The following TRAPPC9 variants were observed in gnomAD, a reference collection of about 807,000 sequenced individuals.
TRAPPC9 encodes IKK2 binding protein.
Under a neutral mutation model 124.0 loss-of-function variants are expected in TRAPPC9, and 83 were observed. That is an observed-to-expected ratio of 0.67 (90% CI 0.56 to 0.80). The LOEUF is 0.80. TRAPPC9 is among the 30% of genes least tolerant of loss of function. TRAPPC9 has a pLI of 0.00. For missense variants in TRAPPC9, 1,302 were observed against 1,508.3 expected (o/e 0.86, Z 2.27); for synonymous variants, 638 against 617.5 (o/e 1.03, Z -0.49).
intron 9 of TRAPPC9, among the ~76,000 whole-genome samples, chr8:140,317,021 T>C (rs540677469): frequency 2.0e-5 from 3 of 152,328 alleles, no homozygotes; most frequent in East Asian, 1.9e-4. Context: ...TTGTTTGTAA[T>C]AGTCTCTTGT....
intron 15 of TRAPPC9, among the ~76,000 whole-genome samples, chr8:140,260,048 A>G (rs914825916): frequency 1.2e-4 from 18 of 152,258 alleles, no homozygotes; most frequent in African/African-American, 4.1e-4. Context: ...GATCATGGGT[A>G]GTTTCAAATT....
chr8:140,070,862 C>G (rs182863909), intron 17 of TRAPPC9, among the ~76,000 whole-genome samples: 5 of 152,252 alleles, frequency 3.3e-5, no homozygotes, highest in Middle Eastern at 3.4e-3. Flanking sequence ...TGGGTGCCAG[C>G]CCCTCCACGT....
intron 18 of TRAPPC9, among the ~76,000 whole-genome samples, chr8:140,009,298 GA>G (rs1838968295): frequency 6.6e-6 from 1 of 152,172 alleles, no homozygotes; most frequent in East Asian, 1.9e-4. Context: ...ATATTGTCAA[GA>G]CATCACAGGA....
chr8:140,266,584 T>C (rs1287495614), intron 15 of TRAPPC9, among the ~76,000 whole-genome samples: 1 of 151,124 alleles, frequency 6.6e-6, no homozygotes, highest in East Asian at 2.0e-4. Flanking sequence ...TGTGGCCGGG[T>C]GCAGTGGCTC....
intron 10 of TRAPPC9, among the ~76,000 whole-genome samples, chr8:140,310,496 T>C (rs1238385617): frequency 6.6e-6 from 1 of 152,208 alleles, no homozygotes; most frequent in Non-Finnish European, 1.5e-5. Context: ...GATCAGTTCA[T>C]AAACCTTTTG....
chr8:140,064,586 A>C (rs1219503989), intron 17 of TRAPPC9, among the ~76,000 whole-genome samples: 1 of 152,176 alleles, frequency 6.6e-6, no homozygotes, highest in Non-Finnish European at 1.5e-5. Context: ...AGAGGTAACA[A>C]AGCAAAGAGA....
At chr8:139,972,372 T>G (rs1233786056) in intron 19 of TRAPPC9, among the ~76,000 whole-genome samples, 1 of 152,128 alleles carries the variant, frequency 6.6e-6, no homozygotes, top group Non-Finnish European at 1.5e-5. Flanking sequence ...TTTACCAAAG[T>G]TTTCTCACAG....
chr8:139,875,295 C>T (rs969912576), intron 21 of TRAPPC9, among the ~76,000 whole-genome samples: 2 of 152,052 alleles, frequency 1.3e-5, no homozygotes, highest in African/African-American at 4.8e-5. Flanking sequence ...TTTCTCCCGT[C>T]CACATGAGGG....
intron 21 of TRAPPC9, among the ~76,000 whole-genome samples, chr8:139,882,778 C>G (rs1829758504): frequency 6.6e-6 from 1 of 152,180 alleles, no homozygotes; most frequent in South Asian, 2.1e-4. Flanking sequence ...ACTTATCCAG[C>G]AGGCATCATC....
chr8:140,286,155 G>C (rs1320213864), intron 13 of TRAPPC9, among the ~76,000 whole-genome samples: 1 of 152,250 alleles, frequency 6.6e-6, no homozygotes, highest in East Asian at 1.9e-4. Context: ...GAGCCGGCCA[G>C]GGTGATAAGC....
intron 16 of TRAPPC9, among the ~76,000 whole-genome samples, chr8:140,223,792 T>C (rs1347531543): frequency 2.0e-5 from 3 of 151,610 alleles, no homozygotes; most frequent in Non-Finnish European, 4.4e-5. Flanking sequence ...TGCTAAGGTA[T>C]GTCCCCTTAA....
chr8:139,741,291 C>T (rs2130072599), intron 21 of TRAPPC9, among the ~76,000 whole-genome samples: 1 of 152,328 alleles, frequency 6.6e-6, no homozygotes, highest in South Asian at 2.1e-4. Flanking sequence ...CTTCCAGGCC[C>T]AGGGCTCAGC....
At chr8:140,046,336 A>G (rs1286312817) in intron 17 of TRAPPC9, among the ~76,000 whole-genome samples, 3 of 152,272 alleles carry the variant, frequency 2.0e-5, no homozygotes, top group African/African-American at 7.2e-5. Flanking sequence ...AAAGGCAAGG[A>G]GCCCAGTGTG....
intron 21 of TRAPPC9, among the ~76,000 whole-genome samples, chr8:139,798,181 T>C (rs1437859945): frequency 2.0e-5 from 3 of 152,250 alleles, no homozygotes; most frequent in Non-Finnish European, 2.9e-5. Flanking sequence ...TTTAATTTCT[T>C]TTAACAATGT....
chr8:140,172,008 C>T (rs532411256), intron 17 of TRAPPC9, among the ~76,000 whole-genome samples: 2 of 152,198 alleles, frequency 1.3e-5, no homozygotes, highest in East Asian at 1.9e-4. Context: ...GAGCCAGGCT[C>T]GGAGAAAGGC....
intron 10 of TRAPPC9, among the ~76,000 whole-genome samples, chr8:140,305,036 CTTCGAGAGAA>C (rs2066085410): frequency 6.6e-6 from 1 of 152,208 alleles, no homozygotes; most frequent in Non-Finnish European, 1.5e-5. Flanking sequence ...AGAATGTTCT[CTTCGAGAGAA>C]TCCACTAGAG....
chr8:139,750,918 T>C (rs1008120718), intron 21 of TRAPPC9, among the ~76,000 whole-genome samples: 4 of 152,174 alleles, frequency 2.6e-5, no homozygotes, highest in African/African-American at 9.7e-5. Context: ...AAACCAAGTG[T>C]GACTCCAGCA....
At chr8:140,170,831 C>A (rs964387927) in intron 17 of TRAPPC9, among the ~76,000 whole-genome samples, 53 of 152,248 alleles carry the variant, frequency 3.5e-4, no homozygotes, top group African/African-American at 1.2e-3. Flanking sequence ...AATGGCCAGG[C>A]CTGCAGCCTC....
chr8:140,365,558 C>T (rs910263126), intron 8 of TRAPPC9, among the ~76,000 whole-genome samples: 1 of 152,236 alleles, frequency 6.6e-6, no homozygotes, highest in African/African-American at 2.4e-5. Flanking sequence ...CAGGAGACAA[C>T]AGCGCCCCTT....
Sources: allele counts gnomAD v4.1 joint callset (sites outside exome capture counted in the v4.1 genomes callset), GRCh38; gene constraint gnomAD v4.1.1; transcripts MANE v1.5; gene names NCBI Gene and HGNC (gene_info 2026-07-23, HGNC 2026-07-21).